TENM3: variants seen among roughly 807,000 people sequenced by gnomAD.
The protein encoded by TENM3 is teneurin transmembrane protein 3, also known as teneurin-3.
In TENM3, 63 loss-of-function variants were observed where a neutral mutation model predicts 255.1. That is an observed-to-expected ratio of 0.25 (90% confidence interval 0.20 to 0.30). The LOEUF is 0.30. Ranked by LOEUF, TENM3 falls within the 10% of genes least tolerant of loss-of-function variation. TENM3 has a pLI of 1.00. For synonymous variants in TENM3, 1,306 were observed against 1,322.3 expected, an observed-to-expected ratio of 0.99 and a Z score of 0.27; for missense variants, 2,929 against 3,461.1, an observed-to-expected ratio of 0.85 and a Z score of 3.86.
intron 1 of TENM3, among the ~76,000 whole-genome samples, chr4:182,186,355 A>C (rs140464185): frequency 1.1e-3 from 161 of 152,298 alleles, no homozygotes; most frequent in Middle Eastern, 6.8e-3. Context: ...TTTAAAATAT[A>C]TAAAATATAT....
At chr4:182,072,680 C>T in the TENM3 span, among the ~76,000 whole-genome samples, 7 of 152,172 alleles carry the variant, frequency 4.6e-5, no homozygotes, top group African/African-American at 1.7e-4. Flanking sequence ...GCCTGAACAG[C>T]TTCTTAAGGT....
intron 1 of TENM3, among the ~76,000 whole-genome samples, chr4:182,271,995 G>A (rs1035481804): frequency 1.3e-5 from 2 of 152,164 alleles, no homozygotes; most frequent in African/African-American, 4.8e-5. Flanking sequence ...GCCAGTTTAA[G>A]CTGATTAGAT....
chr4:181,789,056 T>C, the TENM3 span, among the ~76,000 whole-genome samples: 2 of 152,076 alleles, frequency 1.3e-5, no homozygotes, highest in Non-Finnish European at 2.9e-5. Context: ...TGGTATGGTA[T>C]AATGTGAAAT....
At chr4:182,177,498 T>G (rs1407550717) in intron 1 of TENM3, among the ~76,000 whole-genome samples, 1 of 151,982 alleles carries the variant, frequency 6.6e-6, no homozygotes, top group Non-Finnish European at 1.5e-5. Context: ...ATTTCTGCTA[T>G]GGAACCACCC....
chr4:181,646,106 A>C, the TENM3 span, among the ~76,000 whole-genome samples: 4 of 152,340 alleles, frequency 2.6e-5, no homozygotes, highest in South Asian at 8.3e-4. Flanking sequence ...ACCCCAGTGC[A>C]ACACAAAGAT....
the TENM3 span, among the ~76,000 whole-genome samples, chr4:181,453,745 A>T: frequency 6.6e-6 from 1 of 152,066 alleles, no homozygotes; most frequent in Non-Finnish European, 1.5e-5. Context: ...CAAAGTCTTC[A>T]CTCCAACCAA....
At chr4:182,028,362 T>C in the TENM3 span, among the ~76,000 whole-genome samples, 1 of 152,222 alleles carries the variant, frequency 6.6e-6, no homozygotes, top group Non-Finnish European at 1.5e-5. Flanking sequence ...TCTCTGTTTT[T>C]CTTAGTCTGG....
At chr4:181,605,489 A>G in the TENM3 span, among the ~76,000 whole-genome samples, 1 of 6,458 alleles carries the variant, frequency 1.5e-4, no homozygotes, top group African/African-American at 5.5e-4. Flanking sequence ...AGAGAAAGAA[A>G]GAAAGAAAGA....
the TENM3 span, among the ~76,000 whole-genome samples, chr4:181,456,500 C>T: frequency 6.3e-4 from 95 of 151,900 alleles, no homozygotes; most frequent in African/African-American, 2.1e-3. Flanking sequence ...ATTTTGATAG[C>T]TTTTAGGTTG....
At chr4:182,280,406 A>G (rs1760304579) in intron 1 of TENM3, among the ~76,000 whole-genome samples, 2 of 152,182 alleles carry the variant, frequency 1.3e-5, no homozygotes, top group South Asian at 2.1e-4. Flanking sequence ...GGAAGTTATA[A>G]TCACTGAGAT....
At chr4:181,694,469 T>A in the TENM3 span, among the ~76,000 whole-genome samples, 1 of 152,220 alleles carries the variant, frequency 6.6e-6, no homozygotes, top group African/African-American at 2.4e-5. Context: ...ATTCACAAGC[T>A]AACCAATGAT....
chr4:181,519,645 G>T, the TENM3 span, among the ~76,000 whole-genome samples: 1 of 152,196 alleles, frequency 6.6e-6, no homozygotes, highest in Non-Finnish European at 1.5e-5. Flanking sequence ...TAAGCTTATA[G>T]ATTGTTGTTA....
chr4:181,496,411 T>C, the TENM3 span, among the ~76,000 whole-genome samples: 5 of 152,190 alleles, frequency 3.3e-5, 1 homozygote, highest in Admixed American at 3.3e-4. Flanking sequence ...TACACATATA[T>C]CTGTACATTC....
chr4:182,000,971 T>A, the TENM3 span, among the ~76,000 whole-genome samples: 5 of 149,866 alleles, frequency 3.3e-5, no homozygotes, highest in Admixed American at 2.0e-4. Flanking sequence ...ATTAAAGCCC[T>A]GGCCGAAGCA....
intron 1 of TENM3, among the ~76,000 whole-genome samples, chr4:182,216,166 C>T (rs569972814): frequency 2.0e-5 from 3 of 152,284 alleles, no homozygotes; most frequent in African/African-American, 7.2e-5. Flanking sequence ...GAAATGATTG[C>T]CAGCACACAG....
chr4:181,527,204 G>A, the TENM3 span, among the ~76,000 whole-genome samples: 1 of 152,194 alleles, frequency 6.6e-6, no homozygotes, highest in Non-Finnish European at 1.5e-5. Flanking sequence ...TGATTTCACA[G>A]ATGAATGATT....
At chr4:181,759,050 A>T in the TENM3 span, among the ~76,000 whole-genome samples, 1 of 152,266 alleles carries the variant, frequency 6.6e-6, no homozygotes, top group Admixed American at 6.5e-5. Context: ...AACTATTCAT[A>T]ATACAATTTA....
the TENM3 span, among the ~76,000 whole-genome samples, chr4:181,774,009 T>TTG: frequency 2.3e-5 from 3 of 129,772 alleles, no homozygotes; most frequent in African/African-American, 1.0e-4. Context: ...CTGTGTTTTT[T>TTG]TTTTTTTTTT....
At chr4:181,842,063 G>A in the TENM3 span, among the ~76,000 whole-genome samples, 271 of 151,780 alleles carry the variant, frequency 1.8e-3, 3 homozygotes, top group African/African-American at 6.4e-3. Flanking sequence ...GTTGAAGACT[G>A]ATTATATGCA....
Sources: allele counts gnomAD v4.1 joint callset (sites outside exome capture counted in the v4.1 genomes callset), GRCh38; gene constraint gnomAD v4.1.1; transcripts MANE v1.5; gene names NCBI Gene and HGNC (gene_info 2026-07-23, HGNC 2026-07-21).